PHLPP2: variants seen among roughly 807,000 people sequenced by gnomAD.
PHLPP2 encodes PH domain leucine-rich repeat-containing protein phosphatase 2.
PHLPP2 carries 66 observed loss-of-function variants against 124.9 expected under a neutral mutation model. The observed-to-expected ratio is 0.53, with a 90% CI of 0.43 to 0.65. The LOEUF (loss-of-function observed/expected upper bound fraction) is 0.65. Ranked by LOEUF, PHLPP2 falls within the 30% of genes least tolerant of loss-of-function variation. PHLPP2 has a pLI of 0.00. For missense variants in PHLPP2, 1,685 were observed against 1,600.4 expected (o/e 1.05, Z -0.90); for synonymous variants, 681 against 624.7 (o/e 1.09, Z -1.34).
intron 6 of PHLPP2, among the ~76,000 whole-genome samples, chr16:71,679,961 T>C (rs2044982059): frequency 6.6e-6 from 1 of 151,978 alleles, no homozygotes; most frequent in Admixed American, 6.6e-5. Flanking sequence ...CAGACACCTG[T>C]AGTCCCAGCT....
At chr16:71,710,869 C>T (rs2045319226) in intron 2 of PHLPP2, among the ~76,000 whole-genome samples, 1 of 152,214 alleles carries the variant, frequency 6.6e-6, no homozygotes, top group Non-Finnish European at 1.5e-5. Context: ...ATATATCCTG[C>T]ATAGTAACTG....
In PHLPP2 at chr16:71,653,026, T is replaced by G. The variant is rs1489392421; in HGVS notation, c.2586-5A>C. 6.2e-7 allele frequency: 1 copy of G among 1,603,434 alleles called. No individual in the cohort carries two copies. The highest frequency in any genetic ancestry group is 2.2e-5 in the East Asian group (1 of 44,798). On this transcript the variant is annotated splice_region_variant and splice_polypyrimidine_tract_variant and intron_variant, in intron 17 of 18. Transcript: ENST00000568954. ...TGGCCAGCCATTCCTAATTTCCTGT[T>G]CAGAAAGAAAAGGAAAAGAAGACGT...
chr16:71,690,530 C>A lies in PHLPP2; in HGVS notation c.598G>T (p.Val200Phe). The A allele has an allele frequency of 1.2e-6, 2 of 1,604,712 alleles. No homozygotes were observed. Among genetic ancestry groups the A allele is most frequent in the Non-Finnish European group, 1.7e-6 (2 of 1,175,236 alleles). The part of the protein sequence containing the change: ...QTGKMHILPL[V>F]GGKIEEVKRR... Reference sequence around the variant, plus strand: ...TTTGTGAGTCTTACCTTTCCACCAACCAGAGGCAAAATGTGCATCTTTCCA... The same window carrying A: ...TTTGTGAGTCTTACCTTTCCACCAAACAGAGGCAAAATGTGCATCTTTCCA... Residue 200 changes from valine (V) to phenylalanine (F), a missense_variant, in exon 4 of 19, where the codon GTT becomes TTT. By Grantham distance (50) the Val-to-Phe change is conservative. Transcript: ENST00000568954.
At chr16:71,695,585 C>G (rs1175351973) in intron 3 of PHLPP2, among the ~76,000 whole-genome samples, 1 of 152,060 alleles carries the variant, frequency 6.6e-6, no homozygotes, top group Non-Finnish European at 1.5e-5. Flanking sequence ...GGTAAGCCAC[C>G]TGTAATCCCA....
At chr16:71,718,976 C>G (rs1180201930) in intron 1 of PHLPP2, among the ~76,000 whole-genome samples, 1 of 152,216 alleles carries the variant, frequency 6.6e-6, no homozygotes, top group Non-Finnish European at 1.5e-5. Context: ...CCTAGTGCTT[C>G]CTTCTTCTCA....
rs1483371887 is a variant in PHLPP2 at position 71,646,604 on chromosome 16, A to T, written c.*2286T>A. Reference sequence around the variant, plus strand: ...TTCCCAAAATAACTTTAATTTTTAGACATCACTATTCTACAACCCGAAGGT... The same window carrying T: ...TTCCCAAAATAACTTTAATTTTTAGTCATCACTATTCTACAACCCGAAGGT... On this transcript the variant is annotated 3_prime_UTR_variant, in exon 19 of 19. Coordinates refer to ENST00000568954, the MANE Select transcript of PHLPP2 (RefSeq NM_015020.3). 6.6e-6 allele frequency: 1 copy of T among 152,208 alleles called. No homozygotes were observed. The highest frequency in any genetic ancestry group is 2.4e-5 in the African/African-American group (1 of 41,458). 9.4% of individuals were successfully genotyped at this position (152,208 alleles called of 1,614,324 possible). A position where few individuals can be genotyped will look rare whatever the true frequency, so the allele number is the denominator to read the frequency against.
intron 12 of PHLPP2, among the ~76,000 whole-genome samples, chr16:71,665,754 C>T (rs1412934783): frequency 6.6e-6 from 1 of 152,132 alleles, no homozygotes; most frequent in Non-Finnish European, 1.5e-5. Flanking sequence ...ATTCAGACTA[C>T]CATAAGGACC....
At chr16:71,653,714 C>T (rs2145305725) in intron 17 of PHLPP2, among the ~76,000 whole-genome samples, 1 of 152,330 alleles carries the variant, frequency 6.6e-6, no homozygotes, top group Non-Finnish European at 1.5e-5. Context: ...ATACTTGCTA[C>T]AATTCCTGGC....
At chr16:71,708,941 C>G (rs1210011987) in intron 2 of PHLPP2, among the ~76,000 whole-genome samples, 1 of 151,948 alleles carries the variant, frequency 6.6e-6, no homozygotes, top group Non-Finnish European at 1.5e-5. Flanking sequence ...GTACTCCAGC[C>G]TGGACAACAT....
In PHLPP2 at chr16:71,649,307, G is replaced by T. The variant is rs772696961; in HGVS notation, c.3555C>A (p.Leu1185=). The T allele has an allele frequency of 6.2e-7, 1 of 1,613,838 alleles. No individual in the cohort carries two copies. Among genetic ancestry groups the T allele is most frequent in the Non-Finnish European group, 8.5e-7 (1 of 1,179,834 alleles). The change falls in exon 19 of 19, where the codon CTC becomes CTA. Residue 1185 remains leucine (L), a synonymous_variant. Transcript: ENST00000568954. The part of the protein sequence containing the change: ...RGRDLENSPP[L]IESSPTLCSE... ...AACACAGGGTAGGAGAACTCTCTATGAGAGGGGGTGAGTTCTCCAGATCCC... is the reference window on the plus strand; with the variant it reads ...AACACAGGGTAGGAGAACTCTCTATTAGAGGGGGTGAGTTCTCCAGATCCC...
At chr16:71,692,828 TTA>T (rs2045128803) in intron 3 of PHLPP2, among the ~76,000 whole-genome samples, 1 of 151,978 alleles carries the variant, frequency 6.6e-6, no homozygotes. Flanking sequence ...CTTTGTTTTT[TTA>T]TTTTTTTAAA....
In PHLPP2 at chr16:71,672,298, G is replaced by C; in HGVS notation, c.1496C>G (p.Pro499Arg). Residue 499 changes from proline to arginine, a missense_variant, in exon 10 of 19, where the codon CCA becomes CGA. Physicochemically the swap from Pro to Arg is moderately radical, Grantham distance 103. Transcript: ENST00000568954. ...CAAGAAAGTGAGCAGGCTGGGTACT[G>C]GATAGACGTTCACTGCTGTCAGCCC... ...SNRLTAVNVY[P>R]VPSLLTFLDL... is the part of the protein sequence containing the mutation. The C allele has an allele frequency of 3.7e-6, 6 of 1,613,612 alleles. No individual in the cohort carries two copies. The highest frequency in any genetic ancestry group is 5.1e-6 in the Non-Finnish European group (6 of 1,179,580).
intron 2 of PHLPP2, among the ~76,000 whole-genome samples, chr16:71,714,069 A>G (rs2045341411): frequency 6.6e-6 from 1 of 151,044 alleles, no homozygotes; most frequent in African/African-American, 2.4e-5. Context: ...CCTCCTGACT[A>G]GCTGGGATTA....
At chr16:71,683,834 G>A (rs979606713) in intron 5 of PHLPP2, among the ~76,000 whole-genome samples, 2 of 151,570 alleles carry the variant, frequency 1.3e-5, no homozygotes, top group Non-Finnish European at 2.9e-5. Flanking sequence ...CTTGTTGCCC[G>A]GGCTGGAGTG....
At chr16:71,655,603 C>A (rs1320306687) in intron 16 of PHLPP2, among the ~76,000 whole-genome samples, 169 bp from the exon 17 acceptor site, 1 of 151,232 alleles carries the variant, frequency 6.6e-6, no homozygotes, top group African/African-American at 2.4e-5. Flanking sequence ...CCCAGGTTCA[C>A]GCCATTCTCC....
rs757783945 is a variant in PHLPP2 at position 71,649,597 on chromosome 16, C to A, written c.3265G>T (p.Val1089Leu). The change falls in exon 19 of 19, where the codon GTG becomes TTG. Residue 1089 changes from valine (V) to leucine (L), a missense_variant. Val to Leu is a conservative substitution (Grantham distance 32). Coordinates refer to ENST00000568954, the MANE Select transcript of PHLPP2 (RefSeq NM_015020.3). ...GCAGTGGACCCCACTTCACTGCTCA[C>A]CTCTGAGGTGGACATCTCACTGCTG... ...EFSSEMSTSE[V>L]SSEVGSTASD... 7 of 1,614,032 alleles carry A rather than the reference C, an allele frequency of 4.3e-6. No homozygotes were observed. In the East Asian group the frequency reaches 1.3e-4, roughly 31 times the overall value.
intron 1 of PHLPP2, among the ~76,000 whole-genome samples, chr16:71,717,982 C>G (rs955812457): frequency 6.6e-6 from 1 of 152,166 alleles, no homozygotes; most frequent in Non-Finnish European, 1.5e-5. Flanking sequence ...GCTTCGAACT[C>G]CTGACCTCAA....
chr16:71,670,144 GC>G (rs1448345288), intron 10 of PHLPP2, among the ~76,000 whole-genome samples: 1 of 152,216 alleles, frequency 6.6e-6, no homozygotes, highest in Non-Finnish European at 1.5e-5. Context: ...GGCAACATGA[GC>G]TAGAGCACAG....
At chr16:71,662,149 G>A (rs964913205) in intron 13 of PHLPP2, among the ~76,000 whole-genome samples, 1 of 151,640 alleles carries the variant, frequency 6.6e-6, no homozygotes, top group African/African-American at 2.4e-5. Context: ...AGTCGGGTGC[G>A]GGCCGGGCGC....
Sources: gnomAD v4.1 joint callset for allele counts (sites outside exome capture counted in the v4.1 genomes callset) on GRCh38, gnomAD v4.1.1 for gene constraint, MANE v1.5 for transcripts, NCBI Gene and HGNC (gene_info 2026-07-23, HGNC 2026-07-21) for gene names.